Variants in ARB2A observed in about 807,000 individuals in gnomAD.
The protein encoded by ARB2A is ARB2 cotranscriptional regulator A.
the ARB2A span, among the ~76,000 whole-genome samples, chr5:93,919,692 T>C: frequency 6.6e-6 from 1 of 152,320 alleles, no homozygotes; most frequent in Non-Finnish European, 1.5e-5. Flanking sequence ...CTCCAATTTC[T>C]ATTAGGTATC....
the ARB2A span, among the ~76,000 whole-genome samples, chr5:93,829,248 G>A: frequency 6.6e-6 from 1 of 152,088 alleles, no homozygotes; most frequent in Non-Finnish European, 1.5e-5. Flanking sequence ...AAGACACACA[G>A]AACAGTCTCT....
the ARB2A span, among the ~76,000 whole-genome samples, chr5:93,986,727 G>GCT: frequency 3.9e-5 from 6 of 152,162 alleles, no homozygotes; most frequent in Admixed American, 3.9e-4. Context: ...CCAACCCGGT[G>GCT]CTCTCGGAAA....
chr5:93,815,550 T>C, the ARB2A span, among the ~76,000 whole-genome samples: 1 of 152,206 alleles, frequency 6.6e-6, no homozygotes, highest in Admixed American at 6.5e-5. Context: ...ACTTCTGCCT[T>C]GATTTGTTCA....
chr5:93,705,649 GTGTATA>G, the ARB2A span, among the ~76,000 whole-genome samples: 51 of 141,354 alleles, frequency 3.6e-4, no homozygotes, highest in Middle Eastern at 3.5e-3. Flanking sequence ...GTGTGTGTGT[GTGTATA>G]TATATATATA....
the ARB2A span, among the ~76,000 whole-genome samples, chr5:93,705,651 G>GTGTATA: frequency 2.3e-5 from 3 of 132,870 alleles, no homozygotes; most frequent in African/African-American, 8.6e-5. Context: ...GTGTGTGTGT[G>GTGTATA]TATATATATA....
the ARB2A span, among the ~76,000 whole-genome samples, chr5:94,070,205 C>T: frequency 6.6e-6 from 1 of 151,990 alleles, no homozygotes; most frequent in Non-Finnish European, 1.5e-5. Context: ...CTGGAAGTTA[C>T]TGTGTTAAGT....
At chr5:93,688,475 T>C in the ARB2A span, among the ~76,000 whole-genome samples, 1 of 152,246 alleles carries the variant, frequency 6.6e-6, no homozygotes, top group African/African-American at 2.4e-5. Context: ...CATTCAGGTC[T>C]CTTTCATCTT....
chr5:93,687,328 A>C, the ARB2A span, among the ~76,000 whole-genome samples: 3 of 152,196 alleles, frequency 2.0e-5, no homozygotes, highest in Non-Finnish European at 1.5e-5. Flanking sequence ...TTTGGCTATA[A>C]TTTTCCAAAC....
the ARB2A span, among the ~76,000 whole-genome samples, chr5:93,761,863 A>G: frequency 3.9e-5 from 6 of 152,328 alleles, no homozygotes; most frequent in Admixed American, 2.6e-4. Context: ...CAAAACTTCC[A>G]GAGGAACGAT....
chr5:93,994,964 T>C, the ARB2A span, among the ~76,000 whole-genome samples: 1 of 151,914 alleles, frequency 6.6e-6, no homozygotes, highest in Non-Finnish European at 1.5e-5. Flanking sequence ...ATAAAATATA[T>C]GTAGATACTA....
the ARB2A span, chr5:93,621,278 G>T: frequency 1.6e-6 from 1 of 626,854 alleles, no homozygotes; most frequent in Non-Finnish European, 2.1e-6. Context: ...AGCCGCCCGC[G>T]CCCCGCCCCT....
the ARB2A span, among the ~76,000 whole-genome samples, chr5:93,899,607 C>A: frequency 3.3e-5 from 5 of 152,084 alleles, no homozygotes; most frequent in Non-Finnish European, 5.9e-5. Flanking sequence ...GTCTCCCGAT[C>A]AACTTTAGAA....
chr5:93,663,456 G>A, the ARB2A span, among the ~76,000 whole-genome samples: 1 of 152,144 alleles, frequency 6.6e-6, no homozygotes, highest in African/African-American at 2.4e-5. Context: ...AGGAGGAGAG[G>A]AGTAGGGAAA....
chr5:93,814,137 T>G, the ARB2A span, among the ~76,000 whole-genome samples: 2 of 152,300 alleles, frequency 1.3e-5, no homozygotes, highest in African/African-American at 4.8e-5. Context: ...CTCTATCTTG[T>G]GGCTCAGGCC....
chr5:93,805,044 T>G, the ARB2A span: 5 of 962,222 alleles, frequency 5.2e-6, no homozygotes, highest in East Asian at 3.5e-4. Context: ...TATGAGGGGA[T>G]GCATTTTAAT....
the ARB2A span, among the ~76,000 whole-genome samples, chr5:93,883,135 A>G: frequency 6.6e-6 from 1 of 151,454 alleles, no homozygotes; most frequent in African/African-American, 2.4e-5. Flanking sequence ...TTTTTCCTCC[A>G]TCAGATGATA....
chr5:93,717,996 G>A, the ARB2A span, among the ~76,000 whole-genome samples: 5 of 151,756 alleles, frequency 3.3e-5, no homozygotes, highest in Non-Finnish European at 7.4e-5. Context: ...CACCATGCCC[G>A]GCTAAGTTTT....
the ARB2A span, among the ~76,000 whole-genome samples, chr5:94,004,303 A>G: frequency 3.6e-4 from 55 of 152,206 alleles, no homozygotes; most frequent in Non-Finnish European, 5.1e-4. Flanking sequence ...ATTAAAAACA[A>G]CTGATACATT....
At chr5:93,942,337 C>T in the ARB2A span, among the ~76,000 whole-genome samples, 1 of 152,202 alleles carries the variant, frequency 6.6e-6, no homozygotes, top group East Asian at 1.9e-4. Context: ...TATGAAGTCT[C>T]TAATGTAAAA....
Sources: allele counts gnomAD v4.1 joint callset (sites outside exome capture counted in the v4.1 genomes callset), GRCh38; gene constraint gnomAD v4.1.1; transcripts MANE v1.5; gene names NCBI Gene and HGNC (gene_info 2026-07-23, HGNC 2026-07-21).